QRICH1: variants seen among roughly 807,000 people sequenced by gnomAD.
QRICH1 encodes the protein transcriptional regulator QRICH1.
Under a neutral mutation model 87.1 loss-of-function variants are expected in QRICH1, and 16 were observed. The ratio of observed to expected loss-of-function variants is 0.18; its 90% CI spans 0.12 to 0.28. QRICH1 has a LOEUF of 0.28. QRICH1 is among the 10% of genes least tolerant of loss of function. The pLI is 1.00. For synonymous variants in QRICH1, 367 were observed against 368.4 expected, an observed-to-expected ratio of 1.00 and a Z score of 0.05; for missense variants, 647 against 951.7, an observed-to-expected ratio of 0.68 and a Z score of 4.21.
intron 6 of QRICH1, among the ~76,000 whole-genome samples, chr3:49,037,475 G>A (rs1386934253): frequency 6.6e-6 from 1 of 152,230 alleles, no homozygotes; most frequent in Non-Finnish European, 1.5e-5. Context: ...GCTCACACCT[G>A]TAACCTAGCA....
chr3:49,090,966 T>C (rs947443640), intron 1 of QRICH1, among the ~76,000 whole-genome samples: 1 of 152,202 alleles, frequency 6.6e-6, no homozygotes, highest in African/African-American at 2.4e-5. Flanking sequence ...CTCACGCCTG[T>C]AATCCCAGCA....
intron 2 of QRICH1, among the ~76,000 whole-genome samples, chr3:49,074,114 C>T (rs1433945762): frequency 6.6e-6 from 1 of 152,090 alleles, no homozygotes; most frequent in Non-Finnish European, 1.5e-5. Flanking sequence ...AACACAGACC[C>T]AGAAATCCAT....
intron 2 of QRICH1, among the ~76,000 whole-genome samples, chr3:49,066,306 GA>G (rs894101350): frequency 6.7e-6 from 1 of 148,674 alleles, no homozygotes; most frequent in African/African-American, 2.5e-5. Flanking sequence ...TAAGGGTAAG[GA>G]AAAAAAAAGA....
intron 2 of QRICH1, among the ~76,000 whole-genome samples, chr3:49,063,039 A>G (rs2106927861): frequency 6.6e-6 from 1 of 151,998 alleles, no homozygotes; most frequent in South Asian, 2.1e-4. Flanking sequence ...CACAGACTTC[A>G]ATGTGAATTG....
intron 1 of QRICH1, 95 bp downstream of exon 1, chr3:49,093,817 G>A (rs958060234): frequency 8.2e-6 from 3 of 366,638 alleles, no homozygotes; most frequent in African/African-American, 2.1e-5. Context: ...CCCAGCGGTA[G>A]TGGCCCGCCC....
chr3:49,031,064 G>A (rs1559920835), intron 9 of QRICH1, among the ~76,000 whole-genome samples: 1 of 145,606 alleles, frequency 6.9e-6, no homozygotes, highest in Non-Finnish European at 1.5e-5. Flanking sequence ...TCAGCTCACT[G>A]CAACCTCCGC....
At chr3:49,046,291 A>T in intron 5 of QRICH1, 134 bp downstream of exon 5, 2 of 900,340 alleles carry the variant, frequency 2.2e-6, no homozygotes, top group Non-Finnish European at 1.6e-6. Context: ...ACAAATGTGT[A>T]TTTTAAAACT....
At chr3:49,062,718 T>C (rs1320556741) in intron 2 of QRICH1, among the ~76,000 whole-genome samples, 2 of 150,312 alleles carry the variant, frequency 1.3e-5, no homozygotes, top group African/African-American at 2.4e-5. Context: ...GTATATTTTT[T>C]AAAAAAAGGC....
chr3:49,062,534 C>T (rs1376949147), intron 2 of QRICH1, among the ~76,000 whole-genome samples: 6 of 151,262 alleles, frequency 4.0e-5, no homozygotes, highest in African/African-American at 1.5e-4. Context: ...CTAAATTTTG[C>T]ATTTTTAGCA....
chr3:49,044,310 T>C, intron 6 of QRICH1, 80 bp downstream of exon 6: 2 of 1,167,654 alleles, frequency 1.7e-6, no homozygotes, highest in Non-Finnish European at 2.5e-6. Flanking sequence ...CTCACATGCT[T>C]TTCATAGCCA....
At chr3:49,036,753 A>G (rs889255530) in intron 6 of QRICH1, among the ~76,000 whole-genome samples, 10 of 151,968 alleles carry the variant, frequency 6.6e-5, no homozygotes, top group African/African-American at 2.2e-4. Flanking sequence ...ACCATCATGA[A>G]CCCAAAGAGT....
intron 1 of QRICH1, among the ~76,000 whole-genome samples, chr3:49,089,857 C>T (rs1378124133): frequency 6.6e-6 from 1 of 152,280 alleles, no homozygotes; most frequent in Admixed American, 6.5e-5. Flanking sequence ...GCTTGAGAAG[C>T]TGTGATCAGG....
intron 1 of QRICH1, among the ~76,000 whole-genome samples, chr3:49,080,966 CAAAAAAA>C (rs34230924): frequency 1.2e-3 from 30 of 24,804 alleles, no homozygotes; most frequent in South Asian, 0.012. Context: ...AACTCCATCT[CAAAAAAA>C]AAAAAAAAAA....
At chr3:49,044,083 A>T (rs913691392) in intron 6 of QRICH1, among the ~76,000 whole-genome samples, 4 of 152,206 alleles carry the variant, frequency 2.6e-5, no homozygotes, top group Admixed American at 2.6e-4. Flanking sequence ...TCTACAGATA[A>T]AACTGTCCAT....
Position 49,030,062 on chromosome 3 carries a change from G to C in QRICH1, c.*390C>G, listed in dbSNP as rs2093224929. 1 of 314,740 alleles carries C rather than the reference G, an allele frequency of 3.2e-6. No individual in the cohort carries two copies. Among genetic ancestry groups the C allele is most frequent in the Non-Finnish European group, 5.8e-6 (1 of 172,944 alleles). 19.5% of individuals were successfully genotyped at this position (314,740 alleles called of 1,614,324 possible). The stretch of plus-strand genomic sequence containing the variant: ...CCCCTGTGGTCAGCAAAGTCTGTCA[G>C]CCCAGTGGAAGTCGGCTGGGGAGAT... On this transcript the variant is annotated 3_prime_UTR_variant, in exon 10 of 10. Transcript: ENST00000395443.
At chr3:49,036,545 T>C (rs2093276065) in intron 6 of QRICH1, among the ~76,000 whole-genome samples, 1 of 152,236 alleles carries the variant, frequency 6.6e-6, no homozygotes, top group Non-Finnish European at 1.5e-5. Context: ...TAAAGATGAC[T>C]GCAAACAGCT....
rs767749594 is a variant in QRICH1, at chr3:49,046,498, C to T, written c.1598G>A (p.Arg533Gln). 18 of 1,614,076 alleles carry T rather than the reference C, an allele frequency of 1.1e-5. No individual in the cohort carries two copies. In the Admixed American group the frequency reaches 1.3e-4, roughly 12 times the overall value. The change falls in exon 5 of 10, where the codon CGG becomes CAG. Residue 533 changes from arginine to glutamine, a missense_variant. Coordinates refer to ENST00000395443, the MANE Select transcript of QRICH1 (RefSeq NM_198880.3). The part of the protein sequence containing the change: ...ELNYGLCLMT[R>Q]EARNGEGEPY... ...TTCACCTTCTCCATTTCGAGCTTCC[C>T]GTGTCATTAGACAGAGCCCATAATT...
intron 3 of QRICH1, among the ~76,000 whole-genome samples, chr3:49,054,755 T>C (rs1408142321): frequency 6.6e-6 from 1 of 151,938 alleles, no homozygotes; most frequent in African/African-American, 2.4e-5. Flanking sequence ...TATATATATA[T>C]GCCGAGTGTG....
chr3:49,062,347 A>C (rs1243392808), intron 2 of QRICH1, among the ~76,000 whole-genome samples: 1 of 151,088 alleles, frequency 6.6e-6, no homozygotes, highest in Non-Finnish European at 1.5e-5. Context: ...AAAAAAAAAA[A>C]AACAAGAAAA....
Sources: gnomAD v4.1 joint callset for allele counts (sites outside exome capture counted in the v4.1 genomes callset) on GRCh38, gnomAD v4.1.1 for gene constraint, MANE v1.5 for transcripts, NCBI Gene and HGNC (gene_info 2026-07-23, HGNC 2026-07-21) for gene names.